Variants in COL21A1 observed in about 807,000 individuals in gnomAD.
The protein encoded by COL21A1 is collagen type XXI alpha 1 chain.
In COL21A1, 149 loss-of-function variants were observed where a neutral mutation model predicts 137.9. The ratio of observed to expected loss-of-function variants is 1.08; its 90% CI spans 0.95 to 1.24. The LOEUF (loss-of-function observed/expected upper bound fraction) is 1.24. Ranked by LOEUF, COL21A1 falls within the 50% of genes most tolerant of loss-of-function variation. COL21A1 has a pLI of 0.00. For synonymous variants in COL21A1, 456 were observed against 391.5 expected, an observed-to-expected ratio of 1.16 and a Z score of -1.95; for missense variants, 1,167 against 1,158.4, an observed-to-expected ratio of 1.01 and a Z score of -0.11.
chr6:56,328,071 G>GT (rs1463938576), intron 1 of COL21A1, among the ~76,000 whole-genome samples: 2 of 152,128 alleles, frequency 1.3e-5, no homozygotes, highest in Non-Finnish European at 2.9e-5. Context: ...CATTTTAAAT[G>GT]TTTGTTTTAA....
At chr6:56,218,457 A>G (rs1307988368) in intron 1 of COL21A1, among the ~76,000 whole-genome samples, 1 of 152,130 alleles carries the variant, frequency 6.6e-6, no homozygotes, top group Non-Finnish European at 1.5e-5. Context: ...TAAATCTATA[A>G]GACAACAGCT....
chr6:56,227,998 C>A (rs1752174660), intron 1 of COL21A1, among the ~76,000 whole-genome samples: 2 of 151,894 alleles, frequency 1.3e-5, no homozygotes, highest in South Asian at 2.1e-4. Context: ...CTTAAAATCA[C>A]TAAAGAACAA....
chr6:56,164,918 A>T, intron 7 of COL21A1, 96 bp from the exon 8 acceptor site: 1 of 997,984 alleles, frequency 1.0e-6, no homozygotes. Flanking sequence ...CAGATTAGAG[A>T]TATATGAAGT....
In COL21A1 at chr6:56,171,056, T is replaced by C. The variant is rs970261591; in HGVS notation, c.713A>G (p.Asp238Gly). Residue 238 changes from aspartate (D) to glycine (G), a missense_variant, in exon 4 of 30, where the codon GAT becomes GGT. Coordinates refer to ENST00000244728, the MANE Select transcript of COL21A1 (RefSeq NM_030820.4). ...ERGFDILLGLDVNKKVKKRIQ... is the reference protein window; with the variant it reads ...ERGFDILLGLGVNKKVKKRIQ... The stretch of plus-strand genomic sequence containing the variant: ...TCTTTTCTTAACCTTTTTATTTACA[T>C]CTAAACCTAAAAGAATATCAAATCC... 6 of 1,610,118 alleles carry C rather than the reference T, an allele frequency of 3.7e-6. No homozygotes were observed. The highest frequency in any genetic ancestry group is 3.4e-5 in the Admixed American group (2 of 59,534).
chr6:56,098,747 G>C (rs547770017), intron 17 of COL21A1, among the ~76,000 whole-genome samples: 1 of 120,284 alleles, frequency 8.3e-6, no homozygotes, highest in Admixed American at 1.0e-4. Context: ...ACGGGGTCTT[G>C]CTCTGTCGCC....
chr6:56,122,383 G>C (rs958746793), intron 16 of COL21A1, among the ~76,000 whole-genome samples: 2 of 151,886 alleles, frequency 1.3e-5, no homozygotes, highest in African/African-American at 4.8e-5. Flanking sequence ...CGCCATCTCG[G>C]CTCACTGCAA....
chr6:56,305,163 A>C (rs1342989557), intron 1 of COL21A1, among the ~76,000 whole-genome samples: 2 of 152,152 alleles, frequency 1.3e-5, no homozygotes, highest in East Asian at 3.8e-4. Context: ...CTATGTGGTC[A>C]ATTTTGGAAT....
intron 1 of COL21A1, among the ~76,000 whole-genome samples, chr6:56,364,812 A>T (rs1274950165): frequency 1.3e-5 from 2 of 151,814 alleles, no homozygotes; most frequent in Non-Finnish European, 2.9e-5. Context: ...CTATTTTCTC[A>T]CACAGAGGAC....
intron 22 of COL21A1, among the ~76,000 whole-genome samples, chr6:56,068,519 C>T (rs1234709031): frequency 1.3e-5 from 2 of 151,322 alleles, no homozygotes; most frequent in Non-Finnish European, 3.0e-5. Context: ...CTTTCCTTGC[C>T]AAAATATTTT....
In COL21A1 at chr6:56,146,117, A is replaced by G. The variant is rs187607951; in HGVS notation, c.1435-4134T>C. ...ATTTTTGCAAAGTAGTGAGGAGGGT[A>G]GAGATATTAGTTTCCTTGAAATACT... On this transcript the variant is annotated intron_variant, in intron 10 of 29. Coordinates refer to ENST00000244728, the MANE Select transcript of COL21A1 (RefSeq NM_030820.4). 5.3e-5 allele frequency among the ~76,000 whole-genome samples: 8 copies of G among 152,330 alleles called. No individual in the cohort carries two copies. The East Asian group carries it at 1.5e-3, about 29-fold the overall frequency.
intron 1 of COL21A1, among the ~76,000 whole-genome samples, chr6:56,344,134 G>A (rs1351351584): frequency 1.3e-5 from 2 of 151,996 alleles, no homozygotes; most frequent in Non-Finnish European, 2.9e-5. Context: ...GATAGCACAG[G>A]GAATCAAAGA....
At chr6:56,324,688 T>C (rs1764957795) in intron 1 of COL21A1, among the ~76,000 whole-genome samples, 1 of 151,996 alleles carries the variant, frequency 6.6e-6, no homozygotes, top group African/African-American at 2.4e-5. Context: ...GTATATTACA[T>C]TAATATAATC....
chr6:56,305,274 T>C (rs904560043), intron 1 of COL21A1, among the ~76,000 whole-genome samples: 33 of 152,222 alleles, frequency 2.2e-4, no homozygotes, highest in Admixed American at 1.8e-3. Context: ...CTGAGTTCAA[T>C]TCCTGCATAT....
intron 1 of COL21A1, among the ~76,000 whole-genome samples, chr6:56,281,434 G>C (rs1240931061): frequency 6.6e-6 from 1 of 152,144 alleles, no homozygotes; most frequent in East Asian, 1.9e-4. Context: ...AAAGGTAACA[G>C]TGGGCATCAC....
At position 56,179,861 on chromosome 6, in the gene COL21A1, G is replaced by T; in HGVS notation, c.357C>A (p.Ala119=). 3.1e-6 allele frequency: 5 copies of T among 1,613,922 alleles called. No homozygotes were observed. Among genetic ancestry groups the T allele is most frequent in the Non-Finnish European group, 4.2e-6 (5 of 1,179,872 alleles). ...AAAGGTAATCGAGCGCAAACTGGAT[G>T]GCCTTCCCTGTCTTTGTGTTTCCTC... is the stretch of plus-strand genomic sequence containing the variant. ...YLGGNTKTGK[A]IQFALDYLFA... is the part of the protein sequence containing the mutation. The change falls in exon 3 of 30, where the codon GCC becomes GCA. Residue 119 remains alanine, a synonymous_variant. Coordinates refer to ENST00000244728, the MANE Select transcript of COL21A1 (RefSeq NM_030820.4).
At chr6:56,224,728 T>A (rs1269163334) in intron 1 of COL21A1, among the ~76,000 whole-genome samples, 3 of 152,086 alleles carry the variant, frequency 2.0e-5, no homozygotes, top group Non-Finnish European at 4.4e-5. Context: ...CCAAGTCCCT[T>A]AATGGAAAAA....
chr6:56,066,997 A>G lies in COL21A1; in HGVS notation c.2127+298T>C, dbSNP rs201418949. On this transcript the variant is annotated intron_variant, in intron 23 of 29. Coordinates refer to ENST00000244728, the MANE Select transcript of COL21A1 (RefSeq NM_030820.4). ...TATATATGTGTGTGTGTGTGTGTGT[A>G]TGTGGTATATATATATATGTATATA... Among the ~76,000 whole-genome samples, 11 of 97,642 alleles carry G rather than the reference A, an allele frequency of 1.1e-4. No individual in the cohort carries two copies. The East Asian group carries it at 1.4e-3, about 12-fold the overall frequency. The allele number at this position is 97,642 out of a possible 152,430, so 64.1% of individuals were successfully genotyped here.
At chr6:56,172,711 C>G (rs1051495513) in intron 3 of COL21A1, among the ~76,000 whole-genome samples, 1 of 151,998 alleles carries the variant, frequency 6.6e-6, no homozygotes, top group Non-Finnish European at 1.5e-5. Context: ...TTTTTAAAAA[C>G]TGTAACTTTA....
intron 1 of COL21A1, among the ~76,000 whole-genome samples, chr6:56,201,785 A>T (rs1489447714): frequency 1.3e-5 from 2 of 152,204 alleles, no homozygotes; most frequent in Admixed American, 1.3e-4. Context: ...ATAGACAAAA[A>T]TACATTTCAA....
Sources: gnomAD v4.1 joint callset for allele counts (sites outside exome capture counted in the v4.1 genomes callset) on GRCh38, gnomAD v4.1.1 for gene constraint, MANE v1.5 for transcripts, NCBI Gene and HGNC (gene_info 2026-07-23, HGNC 2026-07-21) for gene names.